MAPK10: variants seen among roughly 807,000 people sequenced by gnomAD.
MAPK10 encodes JNK3 alpha protein kinase.
MAPK10 carries 25 observed loss-of-function variants against 59.3 expected under a neutral mutation model. The observed-to-expected ratio is 0.42, with a 90% CI of 0.31 to 0.59. MAPK10 has a LOEUF of 0.59. Ranked by LOEUF, MAPK10 falls within the 20% of genes least tolerant of loss-of-function variation. The probability of loss-of-function intolerance (pLI) is 0.15; values close to 1 mark genes in which losing one functional copy is unlikely to be tolerated. For missense variants in MAPK10, 351 were observed against 568.9 expected (o/e 0.62, Z 3.90); for synonymous variants, 190 against 200.5 (o/e 0.95, Z 0.44).
At chr4:86,511,356 A>G (rs1187032802) in intron 1 of MAPK10, among the ~76,000 whole-genome samples, 1 of 151,988 alleles carries the variant, frequency 6.6e-6, no homozygotes, top group Non-Finnish European at 1.5e-5. Context: ...CAGGAGTTCG[A>G]GACCAGCCTG....
chr4:86,364,125 ATTTGT>A (rs1417961259), upstream of MAPK10, among the ~76,000 whole-genome samples: 2 of 146,182 alleles, frequency 1.4e-5, no homozygotes, highest in African/African-American at 2.5e-5. Flanking sequence ...GTTGTTGTTG[ATTTGT>A]TTTGTTTTGT....
intron 4 of MAPK10, chr4:86,117,609 C>G (rs1580559707): frequency 1.3e-5 from 2 of 152,198 alleles, no homozygotes; most frequent in South Asian, 4.1e-4. Context: ...TTCCCAGAAG[C>G]TTTTGCAGCT....
At chr4:86,321,129 T>C (rs999703336) in intron 2 of MAPK10, among the ~76,000 whole-genome samples, 3 of 151,972 alleles carry the variant, frequency 2.0e-5, no homozygotes, top group Non-Finnish European at 4.4e-5. Flanking sequence ...ACTTTTACAC[T>C]GTTGGTGGGA....
At chr4:86,117,350 A>G (rs2058443197) in intron 4 of MAPK10, among the ~76,000 whole-genome samples, 1 of 151,898 alleles carries the variant, frequency 6.6e-6, no homozygotes, top group Non-Finnish European at 1.5e-5. Context: ...TTTTTAACAA[A>G]CCCCCTATTC....
chr4:86,453,827 A>G (rs1750996845), upstream of MAPK10, among the ~76,000 whole-genome samples: 1 of 152,020 alleles, frequency 6.6e-6, no homozygotes, highest in Non-Finnish European at 1.5e-5. Flanking sequence ...TTGTGCATTA[A>G]TCAATCAAAG....
chr4:86,503,979 G>A (rs546761265), intron 1 of MAPK10, among the ~76,000 whole-genome samples: 3 of 152,010 alleles, frequency 2.0e-5, no homozygotes, highest in South Asian at 2.1e-4. Flanking sequence ...AGACCTACAG[G>A]GCCCTCCCTA....
chr4:86,414,488 T>G (rs1437630974), intron 1 of MAPK10, among the ~76,000 whole-genome samples: 1 of 152,228 alleles, frequency 6.6e-6, no homozygotes, highest in Non-Finnish European at 1.5e-5. Context: ...GTTACCACTT[T>G]ATTACCATAA....
At position 86,010,826 on chromosome 4, in the gene MAPK10, G is replaced by A. The variant is rs1741374401; in HGVS notation, c.*6402C>T. 1 of 152,104 alleles carries A rather than the reference G, an allele frequency of 6.6e-6. No homozygotes were observed. The highest frequency in any genetic ancestry group is 2.1e-4 in the South Asian group (1 of 4,820). The allele number at this position is 152,104 out of a possible 1,614,324, so 9.4% of individuals were successfully genotyped here. On this transcript the variant is annotated 3_prime_UTR_variant, in exon 14 of 14. Coordinates refer to ENST00000641462, the MANE Select transcript of MAPK10 (RefSeq NM_138982.4). ...GACAGTCTTCTAGGGAATATGTGAGGGGTTTTTAAGATGGATAACATTTTG... is the reference window on the plus strand; with the variant it reads ...GACAGTCTTCTAGGGAATATGTGAGAGGTTTTTAAGATGGATAACATTTTG...
intron 4 of MAPK10, among the ~76,000 whole-genome samples, chr4:86,135,140 G>C (rs890362162): frequency 2.0e-5 from 3 of 152,216 alleles, no homozygotes; most frequent in Non-Finnish European, 4.4e-5. Context: ...GGCTTGCTTA[G>C]GTAAACAAAG....
intron 1 of MAPK10, among the ~76,000 whole-genome samples, chr4:86,422,494 A>G (rs1346041308): frequency 6.6e-6 from 1 of 152,212 alleles, no homozygotes; most frequent in South Asian, 2.1e-4. Flanking sequence ...ACAAAACAAG[A>G]AGAAATGACA....
chr4:86,183,657 T>C (rs1014791374), intron 3 of MAPK10, among the ~76,000 whole-genome samples: 1 of 152,198 alleles, frequency 6.6e-6, no homozygotes, highest in South Asian at 2.1e-4. Context: ...ATATACCCAG[T>C]AATGGGATGA....
At chr4:86,152,084 C>T (rs917858371) in intron 4 of MAPK10, 3 of 152,190 alleles carry the variant, frequency 2.0e-5, no homozygotes, top group Admixed American at 6.5e-5. Context: ...TCCGCCCGTA[C>T]AAGTCCCTCA....
chr4:86,221,539 T>C (rs963124464), intron 2 of MAPK10, among the ~76,000 whole-genome samples: 2 of 151,852 alleles, frequency 1.3e-5, no homozygotes, highest in African/African-American at 4.8e-5. Flanking sequence ...CAGGCAGGAG[T>C]TCAGTGGGGT....
At chr4:86,261,312 A>C (rs970734100) in intron 2 of MAPK10, among the ~76,000 whole-genome samples, 1 of 152,002 alleles carries the variant, frequency 6.6e-6, no homozygotes. Flanking sequence ...GCTGGTGCAA[A>C]GTGGAATATG....
intron 9 of MAPK10, chr4:86,079,425 G>T (rs1355914761): frequency 6.6e-6 from 1 of 152,108 alleles, no homozygotes; most frequent in East Asian, 1.9e-4. Flanking sequence ...AATCTTTGGG[G>T]TGTTCCATTT....
chr4:86,062,402 A>G (rs1431672172), intron 11 of MAPK10, among the ~76,000 whole-genome samples: 1 of 152,168 alleles, frequency 6.6e-6, no homozygotes, highest in Non-Finnish European at 1.5e-5. Context: ...TCATTCTACA[A>G]AGAAGTTTTT....
intron 2 of MAPK10, among the ~76,000 whole-genome samples, chr4:86,221,638 C>T (rs2089629911): frequency 6.6e-6 from 1 of 151,958 alleles, no homozygotes; most frequent in Non-Finnish European, 1.5e-5. Flanking sequence ...AGATGCACAC[C>T]ACCACACCTG....
chr4:86,129,753 C>T (rs1241288300), intron 4 of MAPK10, among the ~76,000 whole-genome samples: 1 of 152,084 alleles, frequency 6.6e-6, no homozygotes, highest in Non-Finnish European at 1.5e-5. Context: ...TTTAACAGCC[C>T]TCCCCAATGC....
chr4:86,531,798 G>A (rs938413362), intron 1 of MAPK10, among the ~76,000 whole-genome samples: 3 of 152,114 alleles, frequency 2.0e-5, no homozygotes, highest in East Asian at 1.9e-4. Context: ...CTGGACATTA[G>A]GCCAGGAAGC....
Sources: allele counts gnomAD v4.1 joint callset (sites outside exome capture counted in the v4.1 genomes callset), GRCh38; gene constraint gnomAD v4.1.1; transcripts MANE v1.5; gene names NCBI Gene and HGNC (gene_info 2026-07-23, HGNC 2026-07-21).